The following GPR158 variants were observed in gnomAD, a reference collection of about 807,000 sequenced individuals.
The protein encoded by GPR158 is metabotropic glycine receptor.
Under a neutral mutation model 78.2 loss-of-function variants are expected in GPR158, and 30 were observed. The ratio of observed to expected loss-of-function variants is 0.38; its 90% confidence interval spans 0.29 to 0.52. The LOEUF (loss-of-function observed/expected upper bound fraction) is 0.52. Among genes scored for constraint, GPR158 ranks in the 20% least tolerant of loss-of-function variants. The pLI, the probability that GPR158 is intolerant of heterozygous loss-of-function variation, is 0.83. For synonymous variants in GPR158, 581 were observed against 591.1 expected (o/e 0.98, Z 0.25); for missense variants, 1,463 against 1,523.5 (o/e 0.96, Z 0.66).
chr10:25,381,056 T>C (rs1266669710), intron 2 of GPR158, among the ~76,000 whole-genome samples: 1 of 152,110 alleles, frequency 6.6e-6, no homozygotes, highest in Non-Finnish European at 1.5e-5. Flanking sequence ...GAAACCCCAG[T>C]TGGTAAGTCC....
At position 25,527,475 on chromosome 10, in the gene GPR158, A is replaced by G. The variant is rs1447640837; in HGVS notation, c.1405-23501A>G. ...GCCCCAAATATTTGGAAATTAAACAATTTTTAAACAATTAGCGTGTAAAAC... is the reference window on the plus strand; with the variant it reads ...GCCCCAAATATTTGGAAATTAAACAGTTTTTAAACAATTAGCGTGTAAAAC... On this transcript the variant is annotated intron_variant, in intron 5 of 10. Coordinates refer to ENST00000376351, the MANE Select transcript of GPR158 (RefSeq NM_020752.3). Among the ~76,000 whole-genome samples the G allele has an allele frequency of 2.0e-5, 3 of 152,300 alleles. No homozygotes were observed. In the East Asian group the frequency reaches 5.8e-4, roughly 29 times the overall value.
chr10:25,304,014 A>T (rs1158832334), intron 2 of GPR158, among the ~76,000 whole-genome samples: 1 of 152,144 alleles, frequency 6.6e-6, no homozygotes, highest in Non-Finnish European at 1.5e-5. Context: ...ATATATGAAG[A>T]GGTGATTCAG....
rs11014557 is a variant in GPR158 at position 25,438,765 on chromosome 10, A to T, written c.1335+26292A>T. ...GCCAGTCCTGTCGTAGGAACTCAGG[A>T]TATTGTTATAACTAGGCCAATCCTA... On this transcript the variant is annotated intron_variant, in intron 4 of 10. Transcript: ENST00000376351. 8.4e-3 allele frequency among the ~76,000 whole-genome samples: 1,287 copies of T among 152,334 alleles called. 20 individuals are homozygous for T. Among genetic ancestry groups the T allele is most frequent in the African/African-American group, 0.03 (1,239 of 41,568 alleles).
At position 25,578,235 on chromosome 10, in the gene GPR158, C is replaced by T. The variant is rs142840128; in HGVS notation, c.1753+5348C>T. Among the ~76,000 whole-genome samples, 266 of 152,342 alleles carry T rather than the reference C, an allele frequency of 1.7e-3. 3 individuals are homozygous for T. The highest frequency in any genetic ancestry group is 6.2e-3 in the African/African-American group (257 of 41,582). On this transcript the variant is annotated intron_variant, in intron 7 of 10. Transcript: ENST00000376351. ...CATCTGCTCCTCCCTCTTGTAGCTA[C>T]GTGCTCCTCAGCAACATGGCCTACG...
chr10:25,385,534 A>T (rs548513434), intron 2 of GPR158, among the ~76,000 whole-genome samples: 1 of 152,150 alleles, frequency 6.6e-6, no homozygotes, highest in Admixed American at 6.5e-5. Flanking sequence ...TTTTTTGAGA[A>T]CCTTCATACT....
At chr10:25,482,578 C>G (rs1332266416) in intron 5 of GPR158, among the ~76,000 whole-genome samples, 1 of 152,126 alleles carries the variant, frequency 6.6e-6, no homozygotes, top group Non-Finnish European at 1.5e-5. Context: ...TTCTCTGTCT[C>G]CCTTCCTTTT....
At chr10:25,392,503 A>T (rs78508803) in intron 2 of GPR158, among the ~76,000 whole-genome samples, 2,931 of 152,324 alleles carry the variant, frequency 0.019, 83 homozygotes, top group African/African-American at 0.067. Flanking sequence ...CACTCCAAGG[A>T]TCCCGTAGCA....
At chr10:25,409,679 G>C (rs1352209091) in intron 3 of GPR158, among the ~76,000 whole-genome samples, 1 of 152,152 alleles carries the variant, frequency 6.6e-6, no homozygotes, top group Non-Finnish European at 1.5e-5. Context: ...CTATGCTCTT[G>C]ATTACATCCA....
In GPR158 at chr10:25,203,639, CT is replaced by C. The variant is rs1477635582; in HGVS notation, c.903-17412del. ...TCTGTGTTTTGGTACCAGTACCATG[CT>C]GTTTTTGGTTACTGTAGCCTTGTAG... On this transcript the variant is annotated intron_variant, in intron 1 of 10. Coordinates refer to ENST00000376351, the MANE Select transcript of GPR158 (RefSeq NM_020752.3). Among the ~76,000 whole-genome samples, 6 of 145,038 alleles carry C rather than the reference CT, an allele frequency of 4.1e-5. 1 individual carries two copies. The highest frequency in any genetic ancestry group is 1.6e-4 in the African/African-American group (6 of 38,038).
intron 5 of GPR158, among the ~76,000 whole-genome samples, chr10:25,484,790 A>C (rs1173232916): frequency 6.6e-6 from 1 of 152,170 alleles, no homozygotes; most frequent in East Asian, 1.9e-4. Context: ...TCTTCCTTGA[A>C]TACAAAAATG....
At chr10:25,404,156 A>G (rs1834481387) in intron 3 of GPR158, among the ~76,000 whole-genome samples, 1 of 152,130 alleles carries the variant, frequency 6.6e-6, no homozygotes, top group African/African-American at 2.4e-5. Flanking sequence ...TTTGAGTACT[A>G]AAGGGAACAC....
Position 25,345,535 on chromosome 10 carries a change from A to T in GPR158, c.1009-50376A>T, listed in dbSNP as rs144436349. Among the ~76,000 whole-genome samples the T allele has an allele frequency of 9.3e-4, 141 of 152,102 alleles. 1 individual carries two copies. The highest frequency in any genetic ancestry group is 2.9e-3 in the African/African-American group (122 of 41,558). ...AATATTGCAAGGAAAGAAGTAAAGG[A>T]TTTGCCGACTAAACATGGAGAGATA... On this transcript the variant is annotated intron_variant, in intron 2 of 10. Transcript: ENST00000376351.
intron 1 of GPR158, among the ~76,000 whole-genome samples, chr10:25,190,086 A>G (rs113750236): frequency 0.029 from 4,475 of 152,208 alleles, 228 homozygotes; most frequent in African/African-American, 0.1. Context: ...TTCCCTAGTA[A>G]GTAGTTGAGG....
intron 7 of GPR158, among the ~76,000 whole-genome samples, chr10:25,585,337 A>G (rs1837253542): frequency 6.6e-6 from 1 of 152,174 alleles, no homozygotes. Flanking sequence ...TACTGTTGCT[A>G]CCACCTATGT....
At chr10:25,565,336 ATCAGACAAAGATGTAAAT>A (rs1192781308) in intron 6 of GPR158, among the ~76,000 whole-genome samples, 1 of 152,218 alleles carries the variant, frequency 6.6e-6, no homozygotes, top group Non-Finnish European at 1.5e-5. Flanking sequence ...GCCTGGGACT[ATCAGACAAAGATGTAAAT>A]TGGATGAGGT....
chr10:25,513,593 C>T (rs534407405), intron 5 of GPR158, among the ~76,000 whole-genome samples: 1 of 150,938 alleles, frequency 6.6e-6, no homozygotes, highest in African/African-American at 2.4e-5. Context: ...TTCTTCAGTT[C>T]TGTGAGGTGT....
chr10:25,347,689 T>C (rs1269776018), intron 2 of GPR158, among the ~76,000 whole-genome samples: 1 of 152,092 alleles, frequency 6.6e-6, no homozygotes, highest in African/African-American at 2.4e-5. Flanking sequence ...CATATTTTAA[T>C]AATTCATTCA....
At chr10:25,259,656 T>C (rs1363110292) in intron 2 of GPR158, among the ~76,000 whole-genome samples, 1 of 152,170 alleles carries the variant, frequency 6.6e-6, no homozygotes, top group African/African-American at 2.4e-5. Flanking sequence ...TCGAATTTGA[T>C]TGAATTGTGT....
At chr10:25,389,600 T>C (rs1468461992) in intron 2 of GPR158, among the ~76,000 whole-genome samples, 1 of 152,182 alleles carries the variant, frequency 6.6e-6, no homozygotes, top group Non-Finnish European at 1.5e-5. Flanking sequence ...GTACAAGAAC[T>C]TGGGACCCGC....
Sources: gnomAD v4.1 joint callset for allele counts (sites outside exome capture counted in the v4.1 genomes callset) on GRCh38, gnomAD v4.1.1 for gene constraint, MANE v1.5 for transcripts, NCBI Gene and HGNC (gene_info 2026-07-23, HGNC 2026-07-21) for gene names.